The following ARSG variants were observed in gnomAD, a reference collection of about 807,000 sequenced individuals.
ARSG encodes the protein ASG.
A neutral mutation model predicts 50.5 loss-of-function variants in ARSG; 37 were observed. The ratio of observed to expected loss-of-function variants is 0.73; its 90% CI spans 0.56 to 0.96. ARSG has a LOEUF of 0.96. Ranked by LOEUF, ARSG falls within the 50% of genes least tolerant of loss-of-function variation. The pLI is 0.00. For missense variants in ARSG, 629 were observed against 675.3 expected (o/e 0.93, Z 0.76); for synonymous variants, 225 against 254.6 (o/e 0.88, Z 1.11).
At chr17:68,401,494 G>A in intron 11 of ARSG, 44 bp downstream of exon 11, 2 of 1,579,052 alleles carry the variant, frequency 1.3e-6, no homozygotes, top group Non-Finnish European at 1.7e-6. Context: ...AGTCACAGCT[G>A]CACGGGGACC....
At chr17:68,444,854 C>T in the ARSG span, among the ~76,000 whole-genome samples, 2 of 151,568 alleles carry the variant, frequency 1.3e-5, no homozygotes. Flanking sequence ...TTCTTCCCTC[C>T]CTCCATTCCT....
Position 68,271,697 on chromosome 17 carries a change from A to C in ARSG, c.-552+12271A>C. 1 of 1,512,496 alleles carries C rather than the reference A, an allele frequency of 6.6e-7. No individual in the cohort carries two copies. 93.7% of individuals were successfully genotyped at this position (1,512,496 alleles called of 1,614,324 possible). A position where few individuals can be genotyped will look rare whatever the true frequency, so the allele number is the denominator to read the frequency against. On this transcript the variant is annotated intron_variant, in intron 1 of 11. Transcript: ENST00000448504. This position sits in a 1 kb window ranked among gnomAD's most constrained non-coding sequence, Gnocchi z 5.3. ...GAAGAAGAAATAATATAAGGTCAATAATGGACTCAAGACCCAGGAGAAGCC... is the reference window on the plus strand; with the variant it reads ...GAAGAAGAAATAATATAAGGTCAATCATGGACTCAAGACCCAGGAGAAGCC...
chr17:68,283,328 G>T (rs1555753430), intron 1 of ARSG, among the ~76,000 whole-genome samples: 1 of 151,798 alleles, frequency 6.6e-6, no homozygotes, highest in African/African-American at 2.4e-5. Context: ...AGACCATTCT[G>T]GCAAACACGA....
intron 8 of ARSG, 139 bp downstream of exon 8, chr17:68,370,663 A>G (rs1276612325): frequency 1.4e-6 from 1 of 712,254 alleles, no homozygotes; most frequent in Admixed American, 2.5e-5. Context: ...ACATTTGCTC[A>G]CCAGCCACCA....
chr17:68,373,713 T>TTCTCAC (rs938597048), intron 8 of ARSG, among the ~76,000 whole-genome samples: 7 of 152,130 alleles, frequency 4.6e-5, no homozygotes, highest in Non-Finnish European at 8.8e-5. Context: ...GTATTGGTGT[T>TTCTCAC]TCTCACTCTC....
Position 68,420,771 on chromosome 17 carries a change from T to C in ARSG, c.*308T>C, listed in dbSNP as rs562319313. 1 of 370,066 alleles carries C rather than the reference T, an allele frequency of 2.7e-6. No homozygotes were observed. Among genetic ancestry groups the C allele is most frequent in the African/African-American group, 2.1e-5 (1 of 48,714 alleles). 22.9% of individuals were successfully genotyped at this position (370,066 alleles called of 1,614,324 possible). On this transcript the variant is annotated 3_prime_UTR_variant, in exon 12 of 12. Coordinates refer to ENST00000621439, the MANE Select transcript of ARSG (RefSeq NM_001267727.2). ...GTTTAACCTAACCTGCAAGTTGATT[T>C]TGAGGGTTAAATAAAGGCATACATG...
intron 11 of ARSG, among the ~76,000 whole-genome samples, chr17:68,417,209 G>C (rs981657268): frequency 5.3e-5 from 8 of 152,174 alleles, no homozygotes; most frequent in African/African-American, 1.9e-4. Context: ...GGAACAGCTA[G>C]AGTGGCTAGA....
At chr17:68,279,701 T>C (rs534976695) in intron 1 of ARSG, among the ~76,000 whole-genome samples, 222 of 152,320 alleles carry the variant, frequency 1.5e-3, no homozygotes, top group African/African-American at 5.1e-3. Flanking sequence ...GACATTGACA[T>C]TGGTTTAACT....
chr17:68,312,647 CT>C (rs2076910959), intron 2 of ARSG, among the ~76,000 whole-genome samples: 1 of 152,142 alleles, frequency 6.6e-6, no homozygotes, highest in African/African-American at 2.4e-5. Flanking sequence ...TTCTTTCCAT[CT>C]GAGCCTTGTG....
chr17:68,390,927 C>CTTTTTTTTTTTTTTTTT (rs34688174), intron 9 of ARSG, among the ~76,000 whole-genome samples: 1 of 141,270 alleles, frequency 7.1e-6, no homozygotes. Flanking sequence ...GTGCCCGGTC[C>CTTTTTTTTTTTTTTTTT]TTTTTTTTTT....
intron 10 of ARSG, chr17:68,400,600 G>A (rs1042663207): frequency 6.6e-6 from 1 of 152,220 alleles, no homozygotes; most frequent in African/African-American, 2.4e-5. Context: ...ACCCTGAGGG[G>A]TTGGAACTCA....
At chr17:68,261,670 A>G (rs1555745198) in intron 1 of ARSG, among the ~76,000 whole-genome samples, 1 of 152,208 alleles carries the variant, frequency 6.6e-6, no homozygotes, top group Admixed American at 6.5e-5. Context: ...TAATAACAGC[A>G]AAGTAAATGG....
intron 1 of ARSG, among the ~76,000 whole-genome samples, chr17:68,283,463 T>G (rs544718606): frequency 2.1e-4 from 30 of 144,498 alleles, no homozygotes; most frequent in South Asian, 6.7e-4. Flanking sequence ...GGAGCTTGCA[T>G]TGAGCCGAGA....
chr17:68,322,834 A>G (rs1468882897), intron 2 of ARSG, among the ~76,000 whole-genome samples: 6 of 152,086 alleles, frequency 3.9e-5, no homozygotes, highest in Non-Finnish European at 5.9e-5. Context: ...GGCTTAAACA[A>G]TAAATGTTTA....
intron 11 of ARSG, among the ~76,000 whole-genome samples, chr17:68,419,366 C>T (rs2082605582): frequency 6.6e-6 from 1 of 152,042 alleles, no homozygotes; most frequent in African/African-American, 2.4e-5. Flanking sequence ...CGAGACCAGC[C>T]TGGCCAACAG....
chr17:68,384,863 C>A (rs979286565), intron 8 of ARSG, among the ~76,000 whole-genome samples: 1 of 152,178 alleles, frequency 6.6e-6, no homozygotes, highest in African/African-American at 2.4e-5. Context: ...CAACTTTTTA[C>A]ATCTGAAGTC....
intron 4 of ARSG, among the ~76,000 whole-genome samples, chr17:68,349,797 C>T (rs535959860): frequency 1.6e-4 from 24 of 152,204 alleles, no homozygotes; most frequent in African/African-American, 5.8e-4. Flanking sequence ...GCACGAGAAT[C>T]GCTTGAACCC....
upstream of ARSG, among the ~76,000 whole-genome samples, chr17:68,290,742 TGGAGCCCCCGACTCTTCCGACGTCCC>T (rs1435363143): frequency 6.6e-5 from 10 of 152,322 alleles, no homozygotes; most frequent in East Asian, 3.9e-4. Context: ...GGGCTGAGCC[TGGAGCCCCCGACTCTTCCGACGTCCC>T]GGAGCCCCCA....
intron 10 of ARSG, chr17:68,400,121 T>A (rs1359563406): frequency 6.6e-6 from 1 of 152,172 alleles, no homozygotes; most frequent in Non-Finnish European, 1.5e-5. Context: ...ATGTTTCTCA[T>A]TTTTTTCTTA....
Sources: gnomAD v4.1 joint callset for allele counts (sites outside exome capture counted in the v4.1 genomes callset) on GRCh38, gnomAD v4.1.1 for gene constraint, Gnocchi (gnomAD v3.1) non-coding constraint, MANE v1.5 for transcripts, NCBI Gene and HGNC (gene_info 2026-07-23, HGNC 2026-07-21) for gene names.